Variants in GALNT18 observed in about 807,000 individuals in gnomAD.
The protein encoded by GALNT18 is GalNAc-transferase 18.
GALNT18 carries 44 observed loss-of-function variants against 69.5 expected under a neutral mutation model. That is an observed-to-expected ratio of 0.63 (90% CI 0.50 to 0.81). GALNT18 has a LOEUF of 0.81. Among genes scored for constraint, GALNT18 ranks in the 40% least tolerant of loss-of-function variants. The pLI, the probability that GALNT18 is intolerant of heterozygous loss-of-function variation, is 0.00. For synonymous variants in GALNT18, 364 were observed against 318.2 expected, an observed-to-expected ratio of 1.14 and a Z score of -1.53; for missense variants, 715 against 810.0, an observed-to-expected ratio of 0.88 and a Z score of 1.42.
intron 1 of GALNT18, among the ~76,000 whole-genome samples, chr11:11,473,752 C>G (rs4910351): frequency 0.33 from 50,465 of 152,174 alleles, 9,093 homozygotes; most frequent in Admixed American, 0.48. Context: ...AGGCACCTGG[C>G]AGACATTGAG....
chr11:11,491,707 C>G (rs79331953), intron 1 of GALNT18, among the ~76,000 whole-genome samples: 20,022 of 152,254 alleles, frequency 0.13, 1,701 homozygotes, highest in South Asian at 0.2. Context: ...CCCTTTCACC[C>G]TGGAATCTGT....
At chr11:11,578,476 A>C (rs577823081) in intron 1 of GALNT18, among the ~76,000 whole-genome samples, 1 of 152,374 alleles carries the variant, frequency 6.6e-6, no homozygotes, top group African/African-American at 2.4e-5. Context: ...ATTAAAAAGT[A>C]AATTGCAGTT....
rs1283678667 is a variant in GALNT18 at position 11,372,072 on chromosome 11, A to G, written c.1092+443T>C. Among the ~76,000 whole-genome samples, 1 of 152,180 alleles carries G rather than the reference A, an allele frequency of 6.6e-6. No homozygotes were observed. Among genetic ancestry groups the G allele is most frequent in the Admixed American group, 6.5e-5 (1 of 15,280 alleles). On this transcript the variant is annotated intron_variant, in intron 6 of 10. Transcript: ENST00000227756. The surrounding 1 kb of genome is among the most constrained non-coding windows in gnomAD (Gnocchi z 4.9). Reference sequence around the variant, plus strand: ...CACCCTGAGTTTATTTCTCTGGGCTATCTCTTAACAAAGTCTTTGGGAATG... The same window carrying G: ...CACCCTGAGTTTATTTCTCTGGGCTGTCTCTTAACAAAGTCTTTGGGAATG...
chr11:11,377,236 T>A lies in GALNT18; in HGVS notation c.923A>T (p.Tyr308Phe). The change falls in exon 5 of 11, where the codon TAC (tyrosine) becomes TTC (phenylalanine). Residue 308 changes from tyrosine to phenylalanine, a missense_variant. By Grantham distance (22) the Tyr-to-Phe change is conservative. Coordinates refer to ENST00000227756, the MANE Select transcript of GALNT18 (RefSeq NM_198516.3). This position sits in a 1 kb window ranked among gnomAD's most constrained non-coding sequence, Gnocchi z 4.6. The part of the protein sequence containing the change: ...QGFDWELWCR[Y>F]LNPPKAWWKL... ...CCACCAGGCCTTGGGGGGATTTAGGTAGCGGCACCACAGCTCCCAGTCAAA... is the reference window on the plus strand; with the variant it reads ...CCACCAGGCCTTGGGGGGATTTAGGAAGCGGCACCACAGCTCCCAGTCAAA... 1 of 1,613,726 alleles carries A rather than the reference T, an allele frequency of 6.2e-7. No homozygotes were observed. The highest frequency in any genetic ancestry group is 1.3e-5 in the African/African-American group (1 of 75,006).
intron 6 of GALNT18, among the ~76,000 whole-genome samples, chr11:11,357,680 A>T (rs982359305): frequency 6.6e-6 from 1 of 152,136 alleles, no homozygotes; most frequent in Non-Finnish European, 1.5e-5. Context: ...AAGTTCCTTA[A>T]CTTCTCTGAG....
rs757720735 is a variant in GALNT18 at position 11,469,395 on chromosome 11, G to A, written c.236-20459C>T. Among the ~76,000 whole-genome samples the A allele has an allele frequency of 6.6e-5, 10 of 152,274 alleles. No homozygotes were observed. The highest frequency in any genetic ancestry group is 1.5e-4 in the Non-Finnish European group (10 of 68,016). ...CAGTCCTCGTCAAGTTTGTTGTTAT[G>A]GCTATGTCTTTTACAGGGTCCAGTA... On this transcript the variant is annotated intron_variant, in intron 1 of 10. Coordinates refer to ENST00000227756, the MANE Select transcript of GALNT18 (RefSeq NM_198516.3). The surrounding 1 kb of genome is among the most constrained non-coding windows in gnomAD (Gnocchi z 4.2).
chr11:11,529,484 C>T (rs757370549), intron 1 of GALNT18, among the ~76,000 whole-genome samples: 9 of 152,178 alleles, frequency 5.9e-5, no homozygotes, highest in Non-Finnish European at 1.0e-4. Context: ...CTGGAACTTA[C>T]ACCATCTGCT....
At chr11:11,417,152 AC>A (rs1000400732) in intron 3 of GALNT18, among the ~76,000 whole-genome samples, 1 of 152,208 alleles carries the variant, frequency 6.6e-6, no homozygotes, top group African/African-American at 2.4e-5. Context: ...CAGAATCCAC[AC>A]CACCATTGCA....
At chr11:11,425,066 A>C (rs1263392005) in intron 3 of GALNT18, among the ~76,000 whole-genome samples, 1 of 152,190 alleles carries the variant, frequency 6.6e-6, no homozygotes, top group African/African-American at 2.4e-5. Context: ...GTTTCTGCCC[A>C]ATGTAGGTCC....
At chr11:11,569,990 G>A (rs920601970) in intron 1 of GALNT18, 1 of 152,214 alleles carries the variant, frequency 6.6e-6, no homozygotes, top group East Asian at 1.9e-4. Flanking sequence ...AGGGAGTGTG[G>A]CTTGGACTTT....
intron 6 of GALNT18, chr11:11,353,244 G>T: frequency 1.6e-6 from 2 of 1,237,292 alleles, no homozygotes; most frequent in Non-Finnish European, 1.1e-6. Context: ...GGTGGAAGCG[G>T]CAGCGGCTGT....
intron 1 of GALNT18, among the ~76,000 whole-genome samples, chr11:11,516,901 T>C (rs1050003737): frequency 2.0e-5 from 3 of 152,214 alleles, no homozygotes; most frequent in East Asian, 1.9e-4. Flanking sequence ...ATGGACTGAA[T>C]GTATATGAAC....
intron 5 of GALNT18, among the ~76,000 whole-genome samples, chr11:11,375,345 A>G (rs1853720922): frequency 6.6e-6 from 1 of 152,250 alleles, no homozygotes; most frequent in Non-Finnish European, 1.5e-5. Flanking sequence ...TTTGAGGTTG[A>G]GATGACATTG....
At chr11:11,424,129 C>A (rs1045539504) in intron 3 of GALNT18, among the ~76,000 whole-genome samples, 1 of 152,200 alleles carries the variant, frequency 6.6e-6, no homozygotes, top group African/African-American at 2.4e-5. Context: ...CTGCCCCCAA[C>A]AAAGTAGATG....
intron 1 of GALNT18, among the ~76,000 whole-genome samples, chr11:11,457,192 G>T (rs1011035650): frequency 6.6e-6 from 1 of 152,214 alleles, no homozygotes; most frequent in Non-Finnish European, 1.5e-5. Context: ...CCAAGATTGT[G>T]GTGGTACTGA....
chr11:11,381,460 A>G (rs78265262), intron 3 of GALNT18, among the ~76,000 whole-genome samples: 9,147 of 152,088 alleles, frequency 0.06, 451 homozygotes, highest in Non-Finnish European at 0.087. Context: ...GCCAATACCT[A>G]CCATGACTAA....
chr11:11,271,861 T>TACTC (rs1199777624), intron 10 of GALNT18, among the ~76,000 whole-genome samples: 4 of 152,236 alleles, frequency 2.6e-5, no homozygotes, highest in African/African-American at 9.6e-5. Context: ...TAGCCATTCA[T>TACTC]ACTCAGTTTA....
At chr11:11,484,553 A>G (rs1295717065) in intron 1 of GALNT18, among the ~76,000 whole-genome samples, 2 of 140,234 alleles carry the variant, frequency 1.4e-5, no homozygotes, top group Non-Finnish European at 3.0e-5. Flanking sequence ...AGATCACGCC[A>G]TTGCACTCCA....
At chr11:11,575,962 G>T (rs1399564936) in intron 1 of GALNT18, among the ~76,000 whole-genome samples, 1 of 152,206 alleles carries the variant, frequency 6.6e-6, no homozygotes, top group Non-Finnish European at 1.5e-5. Flanking sequence ...CACTGCTGGG[G>T]AGGGGAGGTG....
Sources: allele counts gnomAD v4.1 joint callset (sites outside exome capture counted in the v4.1 genomes callset), GRCh38; gene constraint gnomAD v4.1.1; non-coding constraint Gnocchi (gnomAD v3.1); transcripts MANE v1.5; gene names NCBI Gene and HGNC (gene_info 2026-07-23, HGNC 2026-07-21).